LMO7: variants seen among roughly 807,000 people sequenced by gnomAD.
The protein encoded by LMO7 is LIM domain only protein 7.
A neutral mutation model predicts 206.5 loss-of-function variants in LMO7; 120 were observed. That is an observed-to-expected ratio of 0.58 (90% CI 0.50 to 0.68). LMO7 has a LOEUF of 0.68. Among genes scored for constraint, LMO7 ranks in the 30% least tolerant of loss-of-function variants. LMO7 has a pLI of 0.00. For missense variants in LMO7, 1,959 were observed against 1,957.9 expected, an observed-to-expected ratio of 1.00 and a Z score of -0.01; for synonymous variants, 706 against 681.5, an observed-to-expected ratio of 1.04 and a Z score of -0.56.
intron 1 of LMO7, among the ~76,000 whole-genome samples, chr13:75,639,893 A>T (rs2036351463): frequency 6.6e-6 from 1 of 152,054 alleles, no homozygotes; most frequent in Admixed American, 6.6e-5. Context: ...TTTTTTCAGT[A>T]TTGCTGTCAC....
At chr13:75,750,225 T>C (rs1594729034) in intron 3 of LMO7, among the ~76,000 whole-genome samples, 1 of 152,192 alleles carries the variant, frequency 6.6e-6, no homozygotes, top group South Asian at 2.1e-4. Flanking sequence ...CAAGTACTTT[T>C]GGTGATCTAA....
At chr13:75,716,909 T>TC (rs1453683884) in intron 2 of LMO7, among the ~76,000 whole-genome samples, 1 of 149,070 alleles carries the variant, frequency 6.7e-6, no homozygotes, top group Non-Finnish European at 1.5e-5. Flanking sequence ...TTTTTTTTTT[T>TC]TCTCTGATGA....
intron 4 of LMO7, among the ~76,000 whole-genome samples, chr13:75,761,487 A>G (rs2048218895): frequency 6.6e-6 from 1 of 152,178 alleles, no homozygotes; most frequent in African/African-American, 2.4e-5. Context: ...AATATTGTGA[A>G]GGCAGCAGCG....
At chr13:75,763,872 G>T (rs1392231763) in intron 4 of LMO7, among the ~76,000 whole-genome samples, 1 of 151,974 alleles carries the variant, frequency 6.6e-6, no homozygotes, top group Non-Finnish European at 1.5e-5. Flanking sequence ...TGTTGTTAAT[G>T]AATAGTTTCA....
intron 3 of LMO7, among the ~76,000 whole-genome samples, chr13:75,757,728 C>A (rs1221198449): frequency 6.6e-6 from 1 of 151,676 alleles, no homozygotes; most frequent in Non-Finnish European, 1.5e-5. Flanking sequence ...TCCCTTTATT[C>A]ATAGTCATAG....
At position 75,856,596 on chromosome 13, in the gene LMO7, C is replaced by A. The variant is rs753614853; in HGVS notation, c.4861C>A (p.Leu1621Ile). ...NHQLYCNDCY[L>I]RFKSGRPTAM is the part of the protein sequence containing the mutation. ...CCAACTGTACTGCAACGACTGCTAT[C>A]TCAGATTCAAATGTAAGAGAGCAAA... Residue 1621 changes from leucine to isoleucine, a missense_variant, in exon 30 of 31, where the codon CTC (leucine) becomes ATC (isoleucine). Physicochemically the swap from Leu to Ile is conservative, Grantham distance 5. Transcript: ENST00000377534. 1 of 1,601,598 alleles carries A rather than the reference C, an allele frequency of 6.2e-7. No individual in the cohort carries two copies.
chr13:75,766,092 C>T (rs2048832842), intron 4 of LMO7, among the ~76,000 whole-genome samples: 1 of 152,116 alleles, frequency 6.6e-6, no homozygotes, highest in Non-Finnish European at 1.5e-5. Flanking sequence ...ATTTGTTTTA[C>T]AACAAGGACA....
chr13:75,839,816 C>T (rs1443200020), intron 20 of LMO7: 1 of 304,084 alleles, frequency 3.3e-6, no homozygotes, highest in African/African-American at 2.2e-5. Flanking sequence ...TCAGAAATAT[C>T]CATTGATCCT....
intron 1 of LMO7, among the ~76,000 whole-genome samples, chr13:75,638,396 A>G (rs1327335305): frequency 6.6e-6 from 1 of 152,146 alleles, no homozygotes; most frequent in Non-Finnish European, 1.5e-5. Flanking sequence ...TTGTGATAAA[A>G]GATATCATTG....
chr13:75,730,073 A>C (rs1373926535), intron 3 of LMO7, among the ~76,000 whole-genome samples: 1 of 152,028 alleles, frequency 6.6e-6, no homozygotes, highest in South Asian at 2.1e-4. Flanking sequence ...CATCAAGGAT[A>C]TTGGTCTAAA....
intron 11 of LMO7, 111 bp from the exon 12 acceptor site, chr13:75,817,050 G>A: frequency 5.8e-6 from 4 of 688,012 alleles, no homozygotes; most frequent in Non-Finnish European, 1.0e-5. Flanking sequence ...TATCACTGAA[G>A]CGTCTAGGTA....
At chr13:75,832,844 C>T (rs1159419124) in intron 15 of LMO7, among the ~76,000 whole-genome samples, 2 of 151,992 alleles carry the variant, frequency 1.3e-5, no homozygotes, top group East Asian at 3.9e-4. Flanking sequence ...ATAAGATTTC[C>T]CTTAGTTTAG....
Position 75,688,772 on chromosome 13 carries a change from T to C in LMO7, c.70-24410T>C, listed in dbSNP as rs1421721518. ...CTCTCCACACACTGTTCTGTGCTTTTCTCTCAAAGGCCTGACTTACTCATT... is the reference window on the plus strand; with the variant it reads ...CTCTCCACACACTGTTCTGTGCTTTCCTCTCAAAGGCCTGACTTACTCATT... On this transcript the variant is annotated intron_variant, in intron 1 of 30. Coordinates refer to ENST00000377534, the MANE Select transcript of LMO7 (RefSeq NM_001306080.2). 5 of 152,210 alleles carry C rather than the reference T, an allele frequency of 3.3e-5. No individual in the cohort carries two copies. The East Asian group carries it at 9.6e-4, about 29-fold the overall frequency. The allele number at this position is 152,210 out of a possible 1,614,324, so 9.4% of individuals were successfully genotyped here. A position where few individuals can be genotyped will look rare whatever the true frequency, so the allele number is the denominator to read the frequency against.
chr13:75,739,595 T>C (rs2046254074), intron 3 of LMO7, among the ~76,000 whole-genome samples: 1 of 152,246 alleles, frequency 6.6e-6, no homozygotes, highest in Non-Finnish European at 1.5e-5. Context: ...AATGTTCTTG[T>C]ACCTGTGTGA....
intron 15 of LMO7, 35 bp downstream of exon 15, chr13:75,823,908 C>T: frequency 6.5e-7 from 1 of 1,530,852 alleles, no homozygotes; most frequent in Non-Finnish European, 9.0e-7. Context: ...ATCTGTGGCT[C>T]AGACACTTAC....
intron 14 of LMO7, among the ~76,000 whole-genome samples, chr13:75,823,274 G>A (rs1019941202): frequency 7.2e-5 from 11 of 152,024 alleles, no homozygotes; most frequent in African/African-American, 1.9e-4. Context: ...TTCATTTTAC[G>A]CCAGTTTAGA....
chr13:75,732,334 T>C (rs2138827044), intron 3 of LMO7, among the ~76,000 whole-genome samples: 1 of 149,978 alleles, frequency 6.7e-6, no homozygotes, highest in East Asian at 2.0e-4. Flanking sequence ...CTTTTTATTC[T>C]TTTTTCTCTA....
chr13:75,823,465 A>G (rs2057801974), intron 14 of LMO7, 100 bp from the exon 15 acceptor site: 7 of 874,050 alleles, frequency 8.0e-6, no homozygotes, highest in African/African-American at 1.7e-5. Flanking sequence ...TGTGGGAGGT[A>G]TGTTATTTTA....
chr13:75,777,739 G>A (rs1349314407), intron 4 of LMO7, among the ~76,000 whole-genome samples: 4 of 145,742 alleles, frequency 2.7e-5, no homozygotes, highest in Non-Finnish European at 6.0e-5. Flanking sequence ...TCCGCCTCCC[G>A]GGTTCATGCC....
Sources: gnomAD v4.1 joint callset for allele counts (sites outside exome capture counted in the v4.1 genomes callset) on GRCh38, gnomAD v4.1.1 for gene constraint, MANE v1.5 for transcripts, NCBI Gene and HGNC (gene_info 2026-07-23, HGNC 2026-07-21) for gene names.